Variants in DST observed in about 807,000 individuals in gnomAD.
DST encodes the protein dystonin, also known as bullous pemphigoid antigen.
DST carries 253 observed loss-of-function variants against 875.2 expected under a neutral mutation model. The ratio of observed to expected loss-of-function variants is 0.29; its 90% confidence interval spans 0.26 to 0.32. The LOEUF (loss-of-function observed/expected upper bound fraction) is 0.32, where lower values mean the gene tolerates loss of function less well. DST is among the 10% of genes least tolerant of loss of function. The probability of loss-of-function intolerance (pLI) is 1.00; values close to 1 mark genes in which losing one functional copy is unlikely to be tolerated. For missense variants in DST, 8,287 were observed against 9,111.6 expected (o/e 0.91, Z 3.68); for synonymous variants, 3,124 against 3,197.1 (o/e 0.98, Z 0.77).
In DST at chr6:56,934,564, A is replaced by AT. The variant is rs202106930; in HGVS notation, c.216+19220dup. Among the ~76,000 whole-genome samples the AT allele has an allele frequency of 5.4e-3, 529 of 98,482 alleles. 6 individuals carry two copies. The highest frequency in any genetic ancestry group is 0.018 in the African/African-American group (456 of 25,834). 64.6% of individuals were successfully genotyped at this position (98,482 alleles called of 152,430 possible). Reference sequence around the variant, plus strand: ...ATATACATATTATATATTATATTATATATATATATATATATATATATATAT... The same window carrying AT: ...ATATACATATTATATATTATATTATATTATATATATATATATATATATATAT... On this transcript the variant is annotated intron_variant, in intron 2 of 103. Transcript: ENST00000680361.
intron 10 of DST, among the ~76,000 whole-genome samples, chr6:56,665,913 T>C (rs972200683): frequency 2.6e-5 from 4 of 152,190 alleles, no homozygotes; most frequent in African/African-American, 9.7e-5. Context: ...AGCTAACACA[T>C]TAAAAAACAG....
At chr6:56,844,857 G>T (rs1338961769) in intron 4 of DST, among the ~76,000 whole-genome samples, 2 of 143,064 alleles carry the variant, frequency 1.4e-5, no homozygotes, top group Non-Finnish European at 1.5e-5. Context: ...GGGCGACAGA[G>T]CAAGACTCCG....
intron 4 of DST, among the ~76,000 whole-genome samples, chr6:56,848,067 C>T (rs1013195283): frequency 2.2e-4 from 34 of 152,126 alleles, no homozygotes; most frequent in African/African-American, 6.8e-4. Flanking sequence ...TTGAAATATA[C>T]AATATATTAT....
At chr6:56,636,451 T>C (rs1243910499) in intron 23 of DST, 106 bp downstream of exon 23, 4 of 836,098 alleles carry the variant, frequency 4.8e-6, no homozygotes, top group Non-Finnish European at 8.1e-6. Flanking sequence ...TGTATATATA[T>C]ACACAGAAAC....
intron 36 of DST, among the ~76,000 whole-genome samples, chr6:56,622,854 T>A (rs576563116): frequency 6.6e-6 from 1 of 152,328 alleles, no homozygotes; most frequent in African/African-American, 2.4e-5. Flanking sequence ...ACATTTCTTT[T>A]AACTAAATCA....
chr6:56,739,300 C>T (rs1589433947), intron 4 of DST, among the ~76,000 whole-genome samples: 1 of 152,040 alleles, frequency 6.6e-6, no homozygotes, highest in South Asian at 2.1e-4. Context: ...AAATGTCTTT[C>T]GGCCTTGCTA....
intron 3 of DST, chr6:56,871,165 T>A: frequency 1.4e-6 from 1 of 706,226 alleles, no homozygotes; most frequent in Non-Finnish European, 2.6e-6. Flanking sequence ...CCTCTTCCCC[T>A]AAGTGGCCTG....
chr6:56,872,390 C>T (rs1777611757), intron 3 of DST, among the ~76,000 whole-genome samples: 3 of 152,084 alleles, frequency 2.0e-5, no homozygotes, highest in Admixed American at 6.5e-5. Flanking sequence ...GGCGCAGTGG[C>T]TCATACCTGT....
chr6:56,789,670 C>G (rs1157991260), intron 4 of DST, among the ~76,000 whole-genome samples: 2 of 152,182 alleles, frequency 1.3e-5, no homozygotes, highest in African/African-American at 4.8e-5. Flanking sequence ...TATGACTACT[C>G]TAGATGCTTC....
intron 102 of DST, 37 bp downstream of exon 102, chr6:56,463,009 G>C: frequency 8.3e-7 from 1 of 1,210,122 alleles, no homozygotes; most frequent in Non-Finnish European, 1.2e-6. Flanking sequence ...TCAGTTAAAG[G>C]AGAATGTTAA....
chr6:56,654,590 A>ATATATATATATATATATATATAT (rs1303834426), intron 10 of DST, among the ~76,000 whole-genome samples: 1 of 149,290 alleles, frequency 6.7e-6, no homozygotes, highest in African/African-American at 2.5e-5. Flanking sequence ...CCTAGGCTAT[A>ATATATATATATATATATATATAT]TATATATATA....
chr6:56,896,217 C>G (rs1791210069), intron 3 of DST, among the ~76,000 whole-genome samples: 1 of 151,576 alleles, frequency 6.6e-6, no homozygotes, highest in South Asian at 2.1e-4. Context: ...TGGCTGTGTC[C>G]CCACCCAAAT....
chr6:56,611,708 G>A lies in DST; in HGVS notation c.5059-112C>T, dbSNP rs2098546770. On this transcript the variant is annotated intron_variant, in intron 37 of 103. Coordinates refer to ENST00000680361, the MANE Select transcript of DST (RefSeq NM_001374736.1). Reference sequence around the variant, plus strand: ...TAGTCAAGACCCAAGTCTATTTTCTGGGTGACCCAAGTGAATAACCTATCA... The same window carrying A: ...TAGTCAAGACCCAAGTCTATTTTCTAGGTGACCCAAGTGAATAACCTATCA... The A allele has an allele frequency of 9.7e-6, 7 of 718,934 alleles. No individual in the cohort carries two copies. In the East Asian group the frequency reaches 1.4e-4, roughly 14 times the overall value. 44.5% of individuals were successfully genotyped at this position (718,934 alleles called of 1,614,324 possible).
At chr6:56,806,559 T>C (rs2099753168) in intron 4 of DST, among the ~76,000 whole-genome samples, 1 of 152,302 alleles carries the variant, frequency 6.6e-6, no homozygotes, top group African/African-American at 2.4e-5. Flanking sequence ...AGAGAGGCCC[T>C]AAAAGCAAGC....
At chr6:56,529,894 C>T in intron 65 of DST, 80 bp downstream of exon 65, 1 of 1,541,796 alleles carries the variant, frequency 6.5e-7, no homozygotes. Flanking sequence ...TTAAACAAAA[C>T]AATAGTACAT....
At chr6:56,528,247 C>T (rs1222796087) in intron 67 of DST, among the ~76,000 whole-genome samples, 1 of 152,112 alleles carries the variant, frequency 6.6e-6, no homozygotes, top group African/African-American at 2.4e-5. Flanking sequence ...CTTGATTCTA[C>T]ATTTAATTTC....
At chr6:56,803,823 T>C (rs2099750109) in intron 4 of DST, among the ~76,000 whole-genome samples, 1 of 152,116 alleles carries the variant, frequency 6.6e-6, no homozygotes, top group Non-Finnish European at 1.5e-5. Flanking sequence ...CATGGAAAAA[T>C]CTGAAAAGCA....
chr6:56,719,323 T>C (rs2152906485), intron 5 of DST, among the ~76,000 whole-genome samples: 1 of 152,350 alleles, frequency 6.6e-6, no homozygotes, highest in East Asian at 1.9e-4. Flanking sequence ...CTGATCATAA[T>C]ACTAATAAAT....
At chr6:56,909,807 T>C (rs945662845) in intron 2 of DST, among the ~76,000 whole-genome samples, 4 of 152,196 alleles carry the variant, frequency 2.6e-5, no homozygotes, top group African/African-American at 9.7e-5. Flanking sequence ...TCCTGCCCCT[T>C]ACTGTGTGGT....
Sources: allele counts gnomAD v4.1 joint callset (sites outside exome capture counted in the v4.1 genomes callset), GRCh38; gene constraint gnomAD v4.1.1; transcripts MANE v1.5; gene names NCBI Gene and HGNC (gene_info 2026-07-23, HGNC 2026-07-21).